Variants in LIPH observed in about 807,000 individuals in gnomAD.
LIPH encodes lipase member H.
A neutral mutation model predicts 47.6 loss-of-function variants in LIPH; 32 were observed. That is an observed-to-expected ratio of 0.67 (90% confidence interval 0.51 to 0.90). LIPH has a LOEUF of 0.90. Ranked by LOEUF, LIPH falls within the 40% of genes least tolerant of loss-of-function variation. The pLI is 0.00. For missense variants in LIPH, 497 were observed against 541.4 expected (o/e 0.92, Z 0.81); for synonymous variants, 190 against 195.6 (o/e 0.97, Z 0.24).
rs1177415706 is a variant in LIPH, at chr3:185,524,097, G to C, written c.692C>G (p.Pro231Arg). ...TCCCAATATTGTTTTGGGGCAGCCA[G>C]GTTGATCCAATCCTCCATTTGGGTA... is the stretch of plus-strand genomic sequence containing the variant. ...DFYPNGGLDQ[P>R]GCPKTILGGF... Residue 231 changes from proline to arginine, a missense_variant, in exon 5 of 10, where the codon CCT becomes CGT. Transcript: ENST00000296252. The C allele has an allele frequency of 6.2e-7, 1 of 1,613,478 alleles. No individual in the cohort carries two copies. The highest frequency in any genetic ancestry group is 1.3e-5 in the African/African-American group (1 of 74,894).
At chr3:185,524,005 A>G in intron 5 of LIPH, 66 bp downstream of exon 5, 1 of 1,094,580 alleles carries the variant, frequency 9.1e-7, no homozygotes, top group South Asian at 1.3e-5. Flanking sequence ...TACAGGCATG[A>G]GCCACCATGC....
chr3:185,525,049 T>A (rs1401562650), intron 4 of LIPH, among the ~76,000 whole-genome samples: 1 of 151,780 alleles, frequency 6.6e-6, no homozygotes, highest in Non-Finnish European at 1.5e-5. Context: ...ACCCCGTCTC[T>A]ACAAAATATA....
intron 1 of LIPH, among the ~76,000 whole-genome samples, chr3:185,544,659 A>AT (rs1261996234): frequency 6.6e-6 from 1 of 152,036 alleles, no homozygotes; most frequent in Non-Finnish European, 1.5e-5. Context: ...CTGGGCGAGA[A>AT]TTTTCTCCTT....
intron 5 of LIPH, 149 bp from the exon 6 acceptor site, chr3:185,519,458 A>G (rs893945711): frequency 1.0e-5 from 7 of 671,368 alleles, no homozygotes; most frequent in Non-Finnish European, 1.6e-5. Context: ...AATCCCATAG[A>G]TAAGAATTCA....
intron 3 of LIPH, among the ~76,000 whole-genome samples, chr3:185,529,938 G>GAAAGAA (rs1720266107): frequency 2.0e-5 from 1 of 50,862 alleles, no homozygotes; most frequent in African/African-American, 5.3e-5. Context: ...AAGAAAGAAA[G>GAAAGAA]AAAGAAAGAA....
chr3:185,534,934 GA>G lies in LIPH; in HGVS notation c.247del (p.Ser83ProfsTer9). The G allele has an allele frequency of 6.2e-7, 1 of 1,613,918 alleles. No individual in the cohort carries two copies. Among genetic ancestry groups the G allele is most frequent in the Non-Finnish European group, 8.5e-7 (1 of 1,179,794 alleles). The stretch of plus-strand genomic sequence containing the variant: ...TAAGTCATCCATCCAAACAGGAGGG[GA>G]GCCTGTTGGCCTGAATCCATGGACA... ...FIVHGFRPTG[S>X]PPVWMDDLVK... On this transcript the variant is annotated frameshift_variant, in exon 2 of 10. Coordinates refer to ENST00000296252, the MANE Select transcript of LIPH (RefSeq NM_139248.3).
Position 185,517,177 on chromosome 3 carries a change from T to A in LIPH, c.887-15A>T, listed in dbSNP as rs760939876. 2 of 1,350,458 alleles carry A rather than the reference T, an allele frequency of 1.5e-6. No individual in the cohort carries two copies. Among genetic ancestry groups the A allele is most frequent in the Non-Finnish European group, 2.1e-6 (2 of 939,680 alleles). The allele number at this position is 1,350,458 out of a possible 1,614,324, so 83.7% of individuals were successfully genotyped here. Reference sequence around the variant, plus strand: ...AGCATAATAGCCTATGAAACAAGTTTAAAAAATTGTAAGATTAATATGTAT... The same window carrying A: ...AGCATAATAGCCTATGAAACAAGTTAAAAAAATTGTAAGATTAATATGTAT... On this transcript the variant is annotated splice_polypyrimidine_tract_variant and intron_variant, in intron 6 of 9. Coordinates refer to ENST00000296252, the MANE Select transcript of LIPH (RefSeq NM_139248.3).
chr3:185,536,081 T>C (rs1330543927), intron 1 of LIPH, among the ~76,000 whole-genome samples: 1 of 152,188 alleles, frequency 6.6e-6, no homozygotes, highest in African/African-American at 2.4e-5. Context: ...AAACTCCCTT[T>C]ATGCACCTTG....
chr3:185,515,277 G>A (rs1719694303), intron 7 of LIPH, among the ~76,000 whole-genome samples: 1 of 151,298 alleles, frequency 6.6e-6, no homozygotes, highest in South Asian at 2.1e-4. Flanking sequence ...CTATACAAAT[G>A]TTACCTGAAT....
chr3:185,539,630 C>T (rs1720639729), intron 1 of LIPH, among the ~76,000 whole-genome samples: 2 of 152,152 alleles, frequency 1.3e-5, no homozygotes, highest in South Asian at 4.1e-4. Context: ...CTCAGCCTCC[C>T]AAAGTGCTGG....
At chr3:185,520,415 G>T (rs1297315220) in intron 5 of LIPH, among the ~76,000 whole-genome samples, 2 of 151,934 alleles carry the variant, frequency 1.3e-5, no homozygotes, top group African/African-American at 2.4e-5. Flanking sequence ...TACTTGGGAG[G>T]CTGAGGCAGG....
At chr3:185,539,058 C>T (rs951292841) in intron 1 of LIPH, among the ~76,000 whole-genome samples, 1 of 150,924 alleles carries the variant, frequency 6.6e-6, no homozygotes, top group Non-Finnish European at 1.5e-5. Context: ...GCAACCTTCA[C>T]CTCCCAGGTT....
chr3:185,528,600 G>A (rs1230203179), intron 3 of LIPH, among the ~76,000 whole-genome samples: 3 of 152,140 alleles, frequency 2.0e-5, no homozygotes, highest in Non-Finnish European at 4.4e-5. Context: ...ACTTCTATCT[G>A]TTGAACTCTT....
chr3:185,544,555 A>T (rs779473637), intron 1 of LIPH, among the ~76,000 whole-genome samples: 1 of 150,972 alleles, frequency 6.6e-6, no homozygotes, highest in African/African-American at 2.4e-5. Context: ...GCTTTTCGCC[A>T]TGTTGGCCAG....
chr3:185,538,967 ATTT>A (rs975784798), intron 1 of LIPH, among the ~76,000 whole-genome samples: 1 of 147,550 alleles, frequency 6.8e-6, no homozygotes, highest in Non-Finnish European at 1.5e-5. Context: ...ACATATATAT[ATTT>A]TTTTTTATTT....
At chr3:185,511,217 T>C (rs1719551430) in intron 9 of LIPH, among the ~76,000 whole-genome samples, 2 of 151,754 alleles carry the variant, frequency 1.3e-5, no homozygotes, top group South Asian at 4.2e-4. Flanking sequence ...ACTTGCTTTC[T>C]GTTTTGGGTT....
intron 1 of LIPH, among the ~76,000 whole-genome samples, chr3:185,537,270 T>C (rs894548669): frequency 6.6e-6 from 1 of 152,054 alleles, no homozygotes; most frequent in African/African-American, 2.4e-5. Flanking sequence ...GTTAATCAGG[T>C]AGATAAATAA....
chr3:185,534,948 G>A lies in LIPH; in HGVS notation c.234C>T (p.Phe78=), dbSNP rs747880338. The change falls in exon 2 of 10, where the codon TTC becomes TTT. Residue 78 remains phenylalanine, a synonymous_variant. Transcript: ENST00000296252. The part of the protein sequence containing the change: ...TKKTTFIVHG[F]RPTGSPPVWM... Reference sequence around the variant, plus strand: ...AAACAGGAGGGGAGCCTGTTGGCCTGAATCCATGGACAATGAAGGTGGTTT... The same window carrying A: ...AAACAGGAGGGGAGCCTGTTGGCCTAAATCCATGGACAATGAAGGTGGTTT... 3 of 1,613,996 alleles carry A rather than the reference G, an allele frequency of 1.9e-6. No homozygotes were observed. The highest frequency in any genetic ancestry group is 2.2e-5 in the East Asian group (1 of 44,888).
At chr3:185,542,461 C>T (rs1720743176) in intron 1 of LIPH, among the ~76,000 whole-genome samples, 1 of 152,136 alleles carries the variant, frequency 6.6e-6, no homozygotes, top group East Asian at 1.9e-4. Flanking sequence ...GGATTACAGG[C>T]GGCTGCCACC....
Sources: gnomAD v4.1 joint callset for allele counts (sites outside exome capture counted in the v4.1 genomes callset) on GRCh38, gnomAD v4.1.1 for gene constraint, MANE v1.5 for transcripts, NCBI Gene and HGNC (gene_info 2026-07-23, HGNC 2026-07-21) for gene names.